The following HOXA3 variants were observed in gnomAD, a reference collection of about 807,000 sequenced individuals.
HOXA3 encodes homeobox protein Hox-A3.
In HOXA3, 8 loss-of-function variants were observed where a neutral mutation model predicts 30.3. That is an observed-to-expected ratio of 0.26 (90% confidence interval 0.15 to 0.48). The LOEUF (loss-of-function observed/expected upper bound fraction) is 0.48. HOXA3 is among the 20% of genes least tolerant of loss of function. The pLI is 0.99. For missense variants in HOXA3, 653 were observed against 614.4 expected (o/e 1.06, Z -0.66); for synonymous variants, 323 against 273.1 (o/e 1.18, Z -1.80).
chr7:27,145,998 C>A, intron 1 of HOXA3: 1 of 1,506,260 alleles, frequency 6.6e-7, no homozygotes. Context: ...CCACAAGAGG[C>A]ACCCAGACTA....
chr7:27,149,086 G>C (rs755672220), intron 1 of HOXA3, among the ~76,000 whole-genome samples: 1 of 152,196 alleles, frequency 6.6e-6, no homozygotes, highest in Non-Finnish European at 1.5e-5. Flanking sequence ...CAGGCCTGGC[G>C]GTCCCCAGAC....
chr7:27,148,506 A>G (rs777073813), intron 1 of HOXA3, among the ~76,000 whole-genome samples: 2 of 152,232 alleles, frequency 1.3e-5, no homozygotes, highest in Non-Finnish European at 2.9e-5. Flanking sequence ...AGCCAAACGT[A>G]GGTTCTTCCC....
intron 2 of HOXA3, chr7:27,130,213 G>A (rs752197695): frequency 6.5e-7 from 1 of 1,528,822 alleles, no homozygotes; most frequent in South Asian, 1.2e-5. Context: ...CAGCGGGCAC[G>A]CGGGGGCGCT....
chr7:27,116,885 C>A (rs1234276033), intron 4 of HOXA3, among the ~76,000 whole-genome samples: 1 of 152,156 alleles, frequency 6.6e-6, no homozygotes, highest in Non-Finnish European at 1.5e-5. Context: ...CTGGGGAGGG[C>A]AGAAGGGCCC....
chr7:27,118,875 G>A (rs1015648994), intron 4 of HOXA3, among the ~76,000 whole-genome samples: 16 of 152,144 alleles, frequency 1.1e-4, no homozygotes, highest in Non-Finnish European at 2.4e-4. Context: ...CACTACAGAC[G>A]CAAGAAACAC....
At position 27,107,941 on chromosome 7, in the gene HOXA3, C is replaced by G. The variant is rs1784105282; in HGVS notation, c.1306G>C (p.Glu436Gln). The G allele has an allele frequency of 2.5e-6, 4 of 1,586,504 alleles. No homozygotes were observed. The highest frequency in any genetic ancestry group is 3.4e-6 in the Non-Finnish European group (4 of 1,159,914). ...GHHPSQGRIQ[E>Q]APKLTHL is the part of the protein sequence containing the mutation. ...CACAGGTGGGTGAGCTTGGGTGCTTCCTGAATTCTTCCCTGAGAAGGATGG... is the reference window on the plus strand; with the variant it reads ...CACAGGTGGGTGAGCTTGGGTGCTTGCTGAATTCTTCCCTGAGAAGGATGG... The change falls in exon 6 of 6, where the codon GAA becomes CAA. Residue 436 changes from glutamate (E) to glutamine (Q), a missense_variant. Physicochemically the swap from Glu to Gln is conservative, Grantham distance 29. Transcript: ENST00000612286.
chr7:27,151,081 C>T (rs1387516121), intron 1 of HOXA3: 1 of 152,388 alleles, frequency 6.6e-6, no homozygotes, highest in African/African-American at 2.4e-5. Context: ...GCTTTATCCG[C>T]CCCGAGCGCA....
At chr7:27,116,957 C>T (rs768792449) in intron 4 of HOXA3, among the ~76,000 whole-genome samples, 2 of 151,874 alleles carry the variant, frequency 1.3e-5, no homozygotes, top group South Asian at 2.1e-4. Flanking sequence ...TTTTTTTTCA[C>T]GTACAGAAAG....
chr7:27,109,501 C>T (rs1325345334), intron 5 of HOXA3, among the ~76,000 whole-genome samples: 1 of 152,214 alleles, frequency 6.6e-6, no homozygotes, highest in Non-Finnish European at 1.5e-5. Flanking sequence ...AAGCCTGGGG[C>T]CTTTCCTCTA....
chr7:27,114,190 AC>A (rs1458312521), intron 4 of HOXA3, among the ~76,000 whole-genome samples: 2 of 150,516 alleles, frequency 1.3e-5, no homozygotes, highest in African/African-American at 2.4e-5. Flanking sequence ...GCCTCCCCCC[AC>A]CCCCCAACGC....
intron 2 of HOXA3, chr7:27,129,392 G>A (rs1362261029): frequency 1.9e-6 from 3 of 1,614,040 alleles, no homozygotes; most frequent in Admixed American, 3.3e-5. Flanking sequence ...TTCATCCTCC[G>A]GTTCTGAAAC....
rs1785435399 is a variant in HOXA3, at chr7:27,129,655, G to A, written c.-389-2585C>T. Reference sequence around the variant, plus strand: ...AGGAGGAGGAGAGAGAAGGTGGGGTGGGGAAGAGCAATTGGACATCATCAT... The same window carrying A: ...AGGAGGAGGAGAGAGAAGGTGGGGTAGGGAAGAGCAATTGGACATCATCAT... On this transcript the variant is annotated intron_variant, in intron 2 of 5. Transcript: ENST00000612286. The A allele has an allele frequency of 4.1e-6, 6 of 1,460,190 alleles. No homozygotes were observed. The South Asian group carries it at 4.6e-5, about 11-fold the overall frequency. 90.5% of individuals were successfully genotyped at this position (1,460,190 alleles called of 1,614,324 possible).
intron 3 of HOXA3, chr7:27,123,710 A>T (rs1310389953): frequency 6.6e-6 from 1 of 152,272 alleles, no homozygotes; most frequent in African/African-American, 2.4e-5. Context: ...TTCTGTAGAT[A>T]GCGCTAAGAG....
At chr7:27,139,736 G>C (rs1188790523) in intron 2 of HOXA3, among the ~76,000 whole-genome samples, 2 of 152,166 alleles carry the variant, frequency 1.3e-5, no homozygotes, top group African/African-American at 4.8e-5. Context: ...AATTGCGCGG[G>C]GGACTGGGGG....
chr7:27,111,834 G>A (rs1784396489), intron 4 of HOXA3, among the ~76,000 whole-genome samples: 1 of 152,114 alleles, frequency 6.6e-6, no homozygotes, highest in Non-Finnish European at 1.5e-5. Flanking sequence ...CCAACTTAAC[G>A]ATAATAGGTT....
At position 27,107,037 on chromosome 7, in the gene HOXA3, T is replaced by C. The variant is rs541106928; in HGVS notation, c.*878A>G. ...ATTCAGAATAAAAACTTTATTTCTT[T>C]TTGTTTCTCAGAATGTGAGCAGCAA... is the stretch of plus-strand genomic sequence containing the variant. On this transcript the variant is annotated 3_prime_UTR_variant, in exon 6 of 6. Coordinates refer to ENST00000612286, the MANE Select transcript of HOXA3 (RefSeq NM_153631.3). The C allele has an allele frequency of 6.5e-6, 1 of 152,784 alleles. No individual in the cohort carries two copies. The highest frequency in any genetic ancestry group is 2.1e-4 in the South Asian group (1 of 4,834). The allele number at this position is 152,784 out of a possible 1,614,324, so 9.5% of individuals were successfully genotyped here.
chr7:27,142,075 G>A (rs775805363), intron 1 of HOXA3: 12 of 1,613,186 alleles, frequency 7.4e-6, no homozygotes, highest in South Asian at 5.5e-5. Context: ...CTTCCGGGCC[G>A]CCTATGTTGT....
intron 2 of HOXA3, chr7:27,128,967 A>C: frequency 1.8e-6 from 1 of 553,420 alleles, no homozygotes; most frequent in Non-Finnish European, 3.2e-6. Flanking sequence ...CTTCTCAGGT[A>C]TCCACACCTG....
chr7:27,111,527 C>A (rs1387246329), intron 4 of HOXA3, among the ~76,000 whole-genome samples: 2 of 131,004 alleles, frequency 1.5e-5, no homozygotes, highest in Non-Finnish European at 1.6e-5. Context: ...GGGTGAGGGA[C>A]CAACAGTAAC....
Sources: allele counts gnomAD v4.1 joint callset (sites outside exome capture counted in the v4.1 genomes callset), GRCh38; gene constraint gnomAD v4.1.1; transcripts MANE v1.5; gene names NCBI Gene and HGNC (gene_info 2026-07-23, HGNC 2026-07-21).